The following SPMAP2L variants were observed in gnomAD, a reference collection of about 807,000 sequenced individuals.
The protein encoded by SPMAP2L is sperm microtubule associated protein 2 like, also known as sperm microtubule associated protein 2-like.
the SPMAP2L span, among the ~76,000 whole-genome samples, chr4:56,541,506 G>A: frequency 2.0e-5 from 3 of 152,018 alleles, no homozygotes; most frequent in African/African-American, 7.2e-5. Flanking sequence ...ATAGAAAAAC[G>A]TAAAATATTT....
the SPMAP2L span, chr4:56,595,099 TG>T: frequency 6.2e-7 from 1 of 1,611,506 alleles, no homozygotes; most frequent in Non-Finnish European, 8.5e-7. Flanking sequence ...GCCCATTTCC[TG>T]GGCTTATATC....
the SPMAP2L span, among the ~76,000 whole-genome samples, chr4:56,579,013 T>C: frequency 6.6e-6 from 1 of 151,872 alleles, no homozygotes; most frequent in Non-Finnish European, 1.5e-5. Context: ...ACAATAATAG[T>C]TGGACACTTC....
chr4:56,552,495 T>A, the SPMAP2L span: 1 of 928,456 alleles, frequency 1.1e-6, no homozygotes, highest in Non-Finnish European at 1.7e-6. Flanking sequence ...AGTCATCTAA[T>A]GTAACCACAT....
chr4:56,584,140 T>A, the SPMAP2L span, among the ~76,000 whole-genome samples: 1 of 152,024 alleles, frequency 6.6e-6, no homozygotes, highest in Non-Finnish European at 1.5e-5. Flanking sequence ...CTAATTTTTT[T>A]AGTTTTTGTA....
the SPMAP2L span, among the ~76,000 whole-genome samples, chr4:56,580,659 AT>A: frequency 6.6e-6 from 1 of 152,044 alleles, no homozygotes; most frequent in African/African-American, 2.4e-5. Context: ...ATAAAAAAAA[AT>A]AAAGGGCATC....
At chr4:56,570,528 A>G in the SPMAP2L span, among the ~76,000 whole-genome samples, 13 of 152,166 alleles carry the variant, frequency 8.5e-5, no homozygotes, top group African/African-American at 3.1e-4. Context: ...ATATCTAAAC[A>G]TAGAAAAGGC....
chr4:56,551,631 G>C, the SPMAP2L span, among the ~76,000 whole-genome samples: 1 of 152,148 alleles, frequency 6.6e-6, no homozygotes, highest in African/African-American at 2.4e-5. Flanking sequence ...TAGACCAAAA[G>C]AGTTGTCATG....
the SPMAP2L span, among the ~76,000 whole-genome samples, chr4:56,532,507 A>G: frequency 3.3e-5 from 5 of 152,128 alleles, no homozygotes; most frequent in Non-Finnish European, 5.9e-5. Context: ...ACCATCATAC[A>G]CATATTCTAG....
the SPMAP2L span, among the ~76,000 whole-genome samples, chr4:56,608,578 A>C: frequency 7.7e-4 from 117 of 152,312 alleles, no homozygotes; most frequent in African/African-American, 2.4e-3. Flanking sequence ...CCCACTTCCT[A>C]GTATTGCCTC....
the SPMAP2L span, chr4:56,575,611 A>G: frequency 6.5e-7 from 1 of 1,535,476 alleles, no homozygotes; most frequent in Non-Finnish European, 8.7e-7. Context: ...GTCACAGCCC[A>G]ATGGATTCAA....
chr4:56,625,291 C>A, the SPMAP2L span, among the ~76,000 whole-genome samples: 2 of 152,180 alleles, frequency 1.3e-5, no homozygotes, highest in African/African-American at 4.8e-5. Context: ...TTTGATTTTA[C>A]AGGCTCATAG....
the SPMAP2L span, among the ~76,000 whole-genome samples, chr4:56,542,623 TATCCC>T: frequency 3.9e-5 from 6 of 152,164 alleles, no homozygotes; most frequent in Non-Finnish European, 7.3e-5. Flanking sequence ...TTCGGTAAAA[TATCCC>T]ATATTGCAGA....
At chr4:56,594,849 T>G in the SPMAP2L span, 1 of 1,603,956 alleles carries the variant, frequency 6.2e-7, no homozygotes, top group Non-Finnish European at 8.5e-7. Context: ...GGGGCAAATA[T>G]GAACGCTCAG....
chr4:56,588,403 G>A, the SPMAP2L span, among the ~76,000 whole-genome samples: 2 of 151,814 alleles, frequency 1.3e-5, no homozygotes, highest in South Asian at 4.2e-4. Flanking sequence ...TCAATGTCTA[G>A]AAGGGTTTTT....
At chr4:56,536,090 C>T in the SPMAP2L span, among the ~76,000 whole-genome samples, 1 of 152,216 alleles carries the variant, frequency 6.6e-6, no homozygotes, top group Admixed American at 6.5e-5. Context: ...GCTGTAATGC[C>T]TGCTCCCCTG....
the SPMAP2L span, among the ~76,000 whole-genome samples, chr4:56,574,844 T>TAAAA: frequency 6.6e-6 from 1 of 152,000 alleles, no homozygotes; most frequent in Non-Finnish European, 1.5e-5. Context: ...TTGCTGGGCA[T>TAAAA]AGAGGCACAT....
chr4:56,549,720 C>A, the SPMAP2L span, among the ~76,000 whole-genome samples: 1 of 152,118 alleles, frequency 6.6e-6, no homozygotes, highest in Non-Finnish European at 1.5e-5. Context: ...AAATATCACA[C>A]ATAAGAACTT....
At chr4:56,589,663 A>G in the SPMAP2L span, among the ~76,000 whole-genome samples, 2 of 145,020 alleles carry the variant, frequency 1.4e-5, no homozygotes, top group Non-Finnish European at 3.0e-5. Context: ...TTGGTTAGGT[A>G]TATTCCTAAG....
At chr4:56,597,166 G>A in the SPMAP2L span, among the ~76,000 whole-genome samples, 1 of 152,204 alleles carries the variant, frequency 6.6e-6, no homozygotes, top group African/African-American at 2.4e-5. Flanking sequence ...GTAAGAAGGA[G>A]TCAACCAAGT....
Sources: gnomAD v4.1 joint callset for allele counts (sites outside exome capture counted in the v4.1 genomes callset) on GRCh38, gnomAD v4.1.1 for gene constraint, MANE v1.5 for transcripts, NCBI Gene and HGNC (gene_info 2026-07-23, HGNC 2026-07-21) for gene names.